PVRIG: variants seen among roughly 807,000 people sequenced by gnomAD.
PVRIG encodes the protein PVR related immunoglobulin domain containing, also known as transmembrane protein PVRIG.
In PVRIG, 16 loss-of-function variants were observed where a neutral mutation model predicts 21.9. The ratio of observed to expected loss-of-function variants is 0.73; its 90% CI spans 0.50 to 1.11. The LOEUF (loss-of-function observed/expected upper bound fraction) is 1.11, where lower values mean the gene tolerates loss of function less well. PVRIG is among the 50% of genes most tolerant of loss of function. The pLI is 0.00. For synonymous variants in PVRIG, 190 were observed against 181.0 expected (o/e 1.05, Z -0.40); for missense variants, 435 against 445.7 (o/e 0.98, Z 0.22).
intron 1 of PVRIG, chr7:100,219,658 A>C: frequency 2.1e-5 from 12 of 560,496 alleles, no homozygotes; most frequent in Admixed American, 6.4e-5. Flanking sequence ...TGTCCAGGGA[A>C]GGGGAGTCCT....
chr7:100,221,191 C>T lies in PVRIG; in HGVS notation c.921C>T (p.Leu307=), dbSNP rs761269754. ...GGCCTCCTCACACTGGTCCCGGCCT[C>T]ACTCTTTTCCCTGACCCTCGGGGGC... Residue 307 remains leucine (L), a synonymous_variant, in exon 6 of 6, where the codon CTC becomes CTT. Transcript: ENST00000317271. 6 of 1,610,498 alleles carry T rather than the reference C, an allele frequency of 3.7e-6. No homozygotes were observed. In the South Asian group the frequency reaches 6.6e-5, roughly 18 times the overall value.
chr7:100,221,185 C>G, exon 6 of PVRIG: 5 of 1,610,876 alleles, frequency 3.1e-6, no homozygotes, highest in Non-Finnish European at 3.4e-6. Context: ...ACACTGGTCC[C>G]GGCCTCACTC....
chr7:100,220,817 A>T (rs1320953109), exon 5 of PVRIG: 4 of 1,607,524 alleles, frequency 2.5e-6, no homozygotes, highest in Non-Finnish European at 3.4e-6. Context: ...GAGCACGAGC[A>T]TGGGTGAGGA....
At chr7:100,219,885 T>C (rs1283732154) in exon 2 of PVRIG, 2 of 1,532,504 alleles carry the variant, frequency 1.3e-6, no homozygotes, top group Non-Finnish European at 8.8e-7. Context: ...GCTGTTTGGC[T>C]GCTGACAACA....
chr7:100,221,021 C>T (rs1803209505), exon 6 of PVRIG: 1 of 1,612,374 alleles, frequency 6.2e-7, no homozygotes, highest in Admixed American at 1.7e-5. Context: ...AGCTCACCCC[C>T]ATGGGGGGCC....
chr7:100,221,288 G>T, exon 6 of PVRIG: 1 of 1,466,442 alleles, frequency 6.8e-7, no homozygotes, highest in Non-Finnish European at 9.1e-7. Context: ...CCCCCTCCCA[G>T]GCCTCCTGGG....
exon 3 of PVRIG, chr7:100,220,296 G>A: frequency 1.9e-6 from 3 of 1,558,252 alleles, no homozygotes; most frequent in Non-Finnish European, 2.6e-6. Context: ...CCGGCAATGG[G>A]CCCCTGCTCG....
At chr7:100,220,631 G>A (rs767318400) in exon 4 of PVRIG, 12 of 1,611,578 alleles carry the variant, frequency 7.4e-6, no homozygotes, top group East Asian at 2.2e-5. Context: ...CTCCTCTTTG[G>A]CTGTGTCTAC....
Position 100,220,921 on chromosome 7 carries a change from C to T in PVRIG, c.658-7C>T, listed in dbSNP as rs760803550. Reference sequence around the variant, plus strand: ...CAGACTCACTTGACCCTCCTTCCCCCGCGCAGGCACCAAGCCAGGCCTCCC... The same window carrying T: ...CAGACTCACTTGACCCTCCTTCCCCTGCGCAGGCACCAAGCCAGGCCTCCC... On this transcript the variant is annotated splice_polypyrimidine_tract_variant and splice_region_variant and intron_variant, in intron 5 of 5. Transcript: ENST00000317271. 1.2e-4 allele frequency: 194 copies of T among 1,575,392 alleles called. No homozygotes were observed. The highest frequency in any genetic ancestry group is 1.5e-4 in the Non-Finnish European group (175 of 1,159,158).
At chr7:100,219,825 A>G in exon 2 of PVRIG, 1 of 1,078,848 alleles carries the variant, frequency 9.3e-7, no homozygotes, top group Non-Finnish European at 1.4e-6. Context: ...GGAATCAGCC[A>G]CTTTGTGCTC....
exon 6 of PVRIG, chr7:100,221,414 T>G (rs1803248945): frequency 1.9e-6 from 1 of 536,932 alleles, no homozygotes. Flanking sequence ...CAGGTGTGAG[T>G]GTGTGAGTGA....
chr7:100,221,315 T>C (rs1803241705), exon 6 of PVRIG: 1 of 1,311,402 alleles, frequency 7.6e-7, no homozygotes, highest in East Asian at 2.5e-5. Flanking sequence ...CCCCTTACTT[T>C]AATTCTTGGG....
exon 4 of PVRIG, chr7:100,220,552 T>C (rs1803160907): frequency 1.2e-6 from 2 of 1,611,692 alleles, no homozygotes; most frequent in South Asian, 1.1e-5. Context: ...CCCAGGGCTC[T>C]CTGCCCCGCC....
At chr7:100,220,974 C>G in exon 6 of PVRIG, 1 of 1,594,990 alleles carries the variant, frequency 6.3e-7, no homozygotes, top group Non-Finnish European at 8.6e-7. Flanking sequence ...CCTTATGCCA[C>G]TATCAACACC....
chr7:100,220,983 C>T (rs756146159), exon 6 of PVRIG: 1 of 1,598,950 alleles, frequency 6.3e-7, no homozygotes, highest in Non-Finnish European at 8.5e-7. Context: ...ACTATCAACA[C>T]CAGCTGCCGC....
At chr7:100,219,371 G>C (rs1803048664) in exon 1 of PVRIG, 1 of 161,308 alleles carries the variant, frequency 6.2e-6, no homozygotes, top group African/African-American at 2.4e-5. Context: ...ATGACGAGGA[G>C]ACAGCGCCTG....
exon 3 of PVRIG, chr7:100,220,228 G>A (rs1391188412): frequency 1.9e-6 from 3 of 1,588,240 alleles, no homozygotes; most frequent in Non-Finnish European, 2.6e-6. Context: ...GTGAGCTGGG[G>A]GGGCCCCAAC....
chr7:100,219,913 G>A (rs867004449), exon 2 of PVRIG: 32 of 1,549,406 alleles, frequency 2.1e-5, no homozygotes, highest in Non-Finnish European at 2.4e-5. Context: ...TTCCTGCGAT[G>A]AGAACAGAGG....
chr7:100,220,549 C>T (rs747513185), exon 4 of PVRIG: 2 of 1,611,680 alleles, frequency 1.2e-6, no homozygotes, highest in South Asian at 2.2e-5. Context: ...GTGCCCAGGG[C>T]TCTCTGCCCC....
Sources: gnomAD v4.1 joint callset for allele counts on GRCh38, gnomAD v4.1.1 for gene constraint, MANE v1.5 for transcripts, NCBI Gene and HGNC (gene_info 2026-07-23, HGNC 2026-07-21) for gene names.